Variants in DENND11 observed in about 807,000 individuals in gnomAD.
The protein encoded by DENND11 is DENN domain-containing protein 11.
In DENND11, 34 loss-of-function variants were observed where a neutral mutation model predicts 49.2. The ratio of observed to expected loss-of-function variants is 0.69; its 90% CI spans 0.53 to 0.92. The LOEUF (loss-of-function observed/expected upper bound fraction) is 0.92, where lower values mean the gene tolerates loss of function less well. DENND11 is among the 40% of genes least tolerant of loss of function. The probability of loss-of-function intolerance (pLI) is 0.00; values close to 1 mark genes in which losing one functional copy is unlikely to be tolerated. For missense variants in DENND11, 475 were observed against 581.6 expected (o/e 0.82, Z 1.88); for synonymous variants, 238 against 230.3 (o/e 1.03, Z -0.30).
chr7:141,699,580 C>T (rs1406475610), intron 1 of DENND11, among the ~76,000 whole-genome samples: 2 of 152,188 alleles, frequency 1.3e-5, no homozygotes, highest in African/African-American at 4.8e-5. Flanking sequence ...GTTACAAGTG[C>T]TCCCTCTCAC....
At chr7:141,698,692 C>T (rs951639633) in intron 1 of DENND11, among the ~76,000 whole-genome samples, 7 of 152,168 alleles carry the variant, frequency 4.6e-5, no homozygotes, top group African/African-American at 1.4e-4. Context: ...CTTATTTCCA[C>T]ACCTTAGAGA....
intron 2 of DENND11, among the ~76,000 whole-genome samples, chr7:141,685,866 C>T (rs1257548672): frequency 6.6e-6 from 1 of 152,184 alleles, no homozygotes; most frequent in African/African-American, 2.4e-5. Context: ...GCCTGCCGCT[C>T]AGCTGCCCAC....
Position 141,701,267 on chromosome 7 carries a change from T to G in DENND11, c.268+619A>C, listed in dbSNP as rs77376856. Among the ~76,000 whole-genome samples the G allele has an allele frequency of 4.1e-3, 616 of 152,040 alleles. 3 individuals carry two copies. The highest frequency in any genetic ancestry group is 0.014 in the African/African-American group (572 of 41,436). On this transcript the variant is annotated intron_variant, in intron 1 of 8. Transcript: ENST00000536163. ...TGAATCCCTCAGCCCCATCCCTTAATGCTCCCGGCGTTAATTCCTCAAAAT... is the reference window on the plus strand; with the variant it reads ...TGAATCCCTCAGCCCCATCCCTTAAGGCTCCCGGCGTTAATTCCTCAAAAT...
chr7:141,686,519 G>A, intron 2 of DENND11, 40 bp downstream of exon 2: 1 of 1,300,084 alleles, frequency 7.7e-7, no homozygotes, highest in South Asian at 1.2e-5. Context: ...TGGAGGTGGG[G>A]GGAATGGTAC....
At chr7:141,670,250 A>G (rs914846877) in intron 4 of DENND11, among the ~76,000 whole-genome samples, 2 of 152,090 alleles carry the variant, frequency 1.3e-5, no homozygotes, top group Non-Finnish European at 2.9e-5. Flanking sequence ...TACACCCATC[A>G]ATACTTTCCA....
At chr7:141,699,676 T>C (rs1421546051) in intron 1 of DENND11, among the ~76,000 whole-genome samples, 2 of 152,188 alleles carry the variant, frequency 1.3e-5, no homozygotes, top group Non-Finnish European at 2.9e-5. Flanking sequence ...TCAGGCAGCA[T>C]AGTATACTAG....
chr7:141,682,463 C>T (rs985919245), intron 3 of DENND11, among the ~76,000 whole-genome samples: 4 of 152,206 alleles, frequency 2.6e-5, no homozygotes, highest in Non-Finnish European at 5.9e-5. Context: ...GGGTGTGTCT[C>T]TGTGATTGAG....
chr7:141,688,070 C>T lies in DENND11; in HGVS notation c.269-1412G>A, dbSNP rs930699401. Among the ~76,000 whole-genome samples, 16 of 152,270 alleles carry T rather than the reference C, an allele frequency of 1.1e-4. 1 individual carries two copies. Among genetic ancestry groups the T allele is most frequent in the Non-Finnish European group, 1.5e-4 (10 of 68,026 alleles). The stretch of plus-strand genomic sequence containing the variant: ...TGTTGGGATTACAGGTGTGAGCCAC[C>T]GCTCTAGGCCAAAGTAGGATTTTAA... On this transcript the variant is annotated intron_variant, in intron 1 of 8. Coordinates refer to ENST00000536163, the MANE Select transcript of DENND11 (RefSeq NM_001080392.2).
intron 3 of DENND11, among the ~76,000 whole-genome samples, chr7:141,674,772 G>T (rs1205654610): frequency 6.6e-6 from 1 of 152,144 alleles, no homozygotes; most frequent in Non-Finnish European, 1.5e-5. Context: ...TAATAATAAA[G>T]AAATAAAAAG....
At chr7:141,668,078 C>A (rs1587204491) in intron 4 of DENND11, among the ~76,000 whole-genome samples, 2 of 152,350 alleles carry the variant, frequency 1.3e-5, no homozygotes, top group East Asian at 3.9e-4. Flanking sequence ...TATCTTCAAG[C>A]TCCCAACTTG....
Position 141,660,726 on chromosome 7 carries a change from T to C in DENND11, c.*1930A>G, listed in dbSNP as rs555014372. ...GCTTAAAACACCCTGAACCTCAGGA[T>C]ACCACGAAAAATAACCATTACTTGA... On this transcript the variant is annotated 3_prime_UTR_variant, in exon 9 of 9. Transcript: ENST00000536163. 1.6e-4 allele frequency: 25 copies of C among 152,672 alleles called. No individual in the cohort carries two copies. Among genetic ancestry groups the C allele is most frequent in the African/African-American group, 6.0e-4 (25 of 41,564 alleles). The allele number at this position is 152,672 out of a possible 1,614,324, so 9.5% of individuals were successfully genotyped here.
chr7:141,687,610 G>T (rs1048693711), intron 1 of DENND11, among the ~76,000 whole-genome samples: 3 of 147,280 alleles, frequency 2.0e-5, no homozygotes, highest in Admixed American at 1.4e-4. Flanking sequence ...GATTACAGGC[G>T]CATACCAGCA....
intron 1 of DENND11, among the ~76,000 whole-genome samples, chr7:141,700,527 G>T (rs1471792165): frequency 1.3e-5 from 2 of 151,282 alleles, no homozygotes; most frequent in Non-Finnish European, 2.9e-5. Flanking sequence ...TGTAGAAGGA[G>T]TCAGCACTAC....
At chr7:141,669,081 A>T (rs1797938093) in intron 4 of DENND11, among the ~76,000 whole-genome samples, 1 of 151,618 alleles carries the variant, frequency 6.6e-6, no homozygotes, top group Middle Eastern at 3.4e-3. Context: ...CCTCCCCTGT[A>T]TCCCTCTCCC....
chr7:141,664,356 G>A (rs1397993074), intron 7 of DENND11, 116 bp from the exon 8 acceptor site: 7 of 747,540 alleles, frequency 9.4e-6, no homozygotes, highest in Non-Finnish European at 1.1e-5. Context: ...GCACCAGCCA[G>A]GAAAGGGATC....
chr7:141,681,323 A>C (rs1405982165), intron 3 of DENND11, among the ~76,000 whole-genome samples: 2 of 152,208 alleles, frequency 1.3e-5, no homozygotes, highest in Non-Finnish European at 2.9e-5. Flanking sequence ...CATGTGTTCT[A>C]AATTTGGCAA....
intron 4 of DENND11, among the ~76,000 whole-genome samples, chr7:141,670,592 G>A (rs947801935): frequency 2.0e-5 from 3 of 152,200 alleles, no homozygotes; most frequent in Non-Finnish European, 1.5e-5. Context: ...TCAACTGTAT[G>A]ATGGGTTTAT....
intron 4 of DENND11, among the ~76,000 whole-genome samples, chr7:141,668,637 C>A (rs1261195410): frequency 6.6e-6 from 1 of 152,164 alleles, no homozygotes; most frequent in African/African-American, 2.4e-5. Context: ...GGAAGGTGTT[C>A]ACATACAAAG....
chr7:141,665,249 G>C lies in DENND11; in HGVS notation c.890C>G (p.Pro297Arg), dbSNP rs200996503. 1 of 1,613,712 alleles carries C rather than the reference G, an allele frequency of 6.2e-7. No individual in the cohort carries two copies. Among genetic ancestry groups the C allele is most frequent in the East Asian group, 2.2e-5 (1 of 44,854 alleles). The change falls in exon 6 of 9, where the codon CCT becomes CGT. Residue 297 changes from proline (P) to arginine (R), a missense_variant. Pro to Arg is a moderately radical substitution (Grantham distance 103). Coordinates refer to ENST00000536163, the MANE Select transcript of DENND11 (RefSeq NM_001080392.2). The stretch of plus-strand genomic sequence containing the variant: ...GTCAGCCACGTTCACGTAGAAGAAA[G>C]GTTTGGACTCAGGAATGGTGCCCCC... Reference protein sequence around the residue: ...GIGGTIPESKPFFYVNVADIE... With the variant: ...GIGGTIPESKRFFYVNVADIE...
Sources: allele counts gnomAD v4.1 joint callset (sites outside exome capture counted in the v4.1 genomes callset), GRCh38; gene constraint gnomAD v4.1.1; transcripts MANE v1.5; gene names NCBI Gene and HGNC (gene_info 2026-07-23, HGNC 2026-07-21).